Variants in PTPRM observed in about 807,000 individuals in gnomAD.
The protein encoded by PTPRM is receptor-type tyrosine-protein phosphatase mu.
Under a neutral mutation model 186.7 loss-of-function variants are expected in PTPRM, and 47 were observed. That is an observed-to-expected ratio of 0.25 (90% CI 0.20 to 0.32). The LOEUF (loss-of-function observed/expected upper bound fraction) is 0.32. PTPRM is among the 10% of genes least tolerant of loss of function. The pLI, the probability that PTPRM is intolerant of heterozygous loss-of-function variation, is 1.00. For synonymous variants in PTPRM, 668 were observed against 674.9 expected (o/e 0.99, Z 0.16); for missense variants, 1,494 against 1,865.0 (o/e 0.80, Z 3.66).
chr18:7,724,317 G>C (rs1393966939), intron 1 of PTPRM, among the ~76,000 whole-genome samples: 1 of 151,904 alleles, frequency 6.6e-6, no homozygotes, highest in African/African-American at 2.4e-5. Flanking sequence ...CGTTTCTGTT[G>C]TTGAAAAAGT....
chr18:7,652,212 A>C (rs67702131), intron 1 of PTPRM, among the ~76,000 whole-genome samples: 13 of 152,312 alleles, frequency 8.5e-5, no homozygotes, highest in East Asian at 1.9e-4. Flanking sequence ...GATATCATCT[A>C]ACACCAGTTA....
intron 1 of PTPRM, among the ~76,000 whole-genome samples, chr18:7,628,477 C>T (rs962351084): frequency 6.6e-6 from 1 of 152,108 alleles, no homozygotes; most frequent in Non-Finnish European, 1.5e-5. Context: ...GATTGTAAAT[C>T]GTTTGTCTTT....
At chr18:7,613,321 C>T (rs2037723069) in intron 1 of PTPRM, among the ~76,000 whole-genome samples, 1 of 152,144 alleles carries the variant, frequency 6.6e-6, no homozygotes, top group South Asian at 2.1e-4. Context: ...TTGTCATGTT[C>T]CCCTTTTTCA....
At chr18:8,202,933 C>T (rs1476934801) in intron 14 of PTPRM, among the ~76,000 whole-genome samples, 1 of 152,238 alleles carries the variant, frequency 6.6e-6, no homozygotes, top group Non-Finnish European at 1.5e-5. Flanking sequence ...CCTCTTCTTC[C>T]ATGAAGGGAC....
chr18:7,917,203 C>T (rs1395910445), intron 4 of PTPRM, among the ~76,000 whole-genome samples: 1 of 152,184 alleles, frequency 6.6e-6, no homozygotes, highest in Non-Finnish European at 1.5e-5. Flanking sequence ...AGCAGTTTGA[C>T]AATTTATGTC....
chr18:8,399,920 G>A (rs959330408), intron 32 of PTPRM: 8 of 152,296 alleles, frequency 5.3e-5, no homozygotes, highest in African/African-American at 1.9e-4. Context: ...CCACCTGGGA[G>A]TCTGAAAGGG....
chr18:8,390,006 T>A (rs763191807), intron 31 of PTPRM, among the ~76,000 whole-genome samples: 5 of 152,264 alleles, frequency 3.3e-5, no homozygotes, highest in Non-Finnish European at 7.3e-5. Context: ...TTCACCACTT[T>A]GCAACTCTTG....
At chr18:8,105,243 G>A (rs2091464561) in intron 11 of PTPRM, among the ~76,000 whole-genome samples, 1 of 152,132 alleles carries the variant, frequency 6.6e-6, no homozygotes, top group South Asian at 2.1e-4. Flanking sequence ...AAAGGTGCCA[G>A]ATCCCTTACT....
At chr18:8,195,757 C>T (rs1057430682) in intron 14 of PTPRM, among the ~76,000 whole-genome samples, 3 of 152,072 alleles carry the variant, frequency 2.0e-5, no homozygotes, top group South Asian at 2.1e-4. Context: ...GAGTGAGCGT[C>T]GGGTGAAGAA....
intron 2 of PTPRM, among the ~76,000 whole-genome samples, chr18:7,878,097 T>A (rs2048332117): frequency 6.6e-6 from 1 of 152,220 alleles, no homozygotes; most frequent in Non-Finnish European, 1.5e-5. Context: ...ACCCAGCATT[T>A]GCTTTAATTT....
intron 2 of PTPRM, among the ~76,000 whole-genome samples, chr18:7,857,455 C>T (rs181661764): frequency 9.5e-4 from 145 of 152,300 alleles, no homozygotes; most frequent in African/African-American, 3.4e-3. Context: ...AAGAAATCTT[C>T]ATGCAAAGGC....
chr18:8,291,553 A>G lies in PTPRM; in HGVS notation c.2755-4815A>G, dbSNP rs8088308. Among the ~76,000 whole-genome samples, 1,235 of 152,298 alleles carry G rather than the reference A, an allele frequency of 8.1e-3. 35 individuals are homozygous for G. In the South Asian group the frequency reaches 0.099, roughly 12 times the overall value. The stretch of plus-strand genomic sequence containing the variant: ...AGTAGAATTCTTCTTAAAGCATTCA[A>G]TATTCAGTTTCTGTAATTTTAAAAG... On this transcript the variant is annotated intron_variant, in intron 19 of 32. Coordinates refer to ENST00000580170, the MANE Select transcript of PTPRM (RefSeq NM_001105244.2).
Position 8,280,355 on chromosome 18 carries a change from C to G in PTPRM, c.2755-16013C>G, listed in dbSNP as rs11874476. On this transcript the variant is annotated intron_variant, in intron 19 of 32. Coordinates refer to ENST00000580170, the MANE Select transcript of PTPRM (RefSeq NM_001105244.2). Reference sequence around the variant, plus strand: ...CCCCATCTCCAAATACAGTCACATTCTGAGGTACGGGAGCTTAGGACTTCA... The same window carrying G: ...CCCCATCTCCAAATACAGTCACATTGTGAGGTACGGGAGCTTAGGACTTCA... Among the ~76,000 whole-genome samples, 66 of 142,946 alleles carry G rather than the reference C, an allele frequency of 4.6e-4. 1 individual carries two copies. The highest frequency in any genetic ancestry group is 1.7e-3 in the African/African-American group (66 of 38,304). 93.8% of individuals were successfully genotyped at this position (142,946 alleles called of 152,430 possible).
intron 14 of PTPRM, among the ~76,000 whole-genome samples, chr18:8,147,809 G>T (rs1012490200): frequency 1.3e-5 from 2 of 152,080 alleles, no homozygotes; most frequent in African/African-American, 4.8e-5. Context: ...TATTATTTCG[G>T]GTTGTGTTCC....
At chr18:8,218,466 A>T (rs1489440216) in intron 14 of PTPRM, among the ~76,000 whole-genome samples, 3 of 152,160 alleles carry the variant, frequency 2.0e-5, no homozygotes. Flanking sequence ...AGACTAAGGG[A>T]GTTAAATTGA....
chr18:7,769,293 A>T (rs1436255710), intron 1 of PTPRM, among the ~76,000 whole-genome samples: 3 of 151,780 alleles, frequency 2.0e-5, no homozygotes, highest in Non-Finnish European at 4.4e-5. Context: ...CTGCTTCACG[A>T]CTCTCCAGCT....
chr18:8,104,320 A>G (rs1157797037), intron 11 of PTPRM, among the ~76,000 whole-genome samples: 1 of 152,180 alleles, frequency 6.6e-6, no homozygotes, highest in Non-Finnish European at 1.5e-5. Context: ...TTTCTATATT[A>G]TGATCATTGG....
chr18:7,966,467 T>C (rs2054060687), intron 7 of PTPRM, among the ~76,000 whole-genome samples: 2 of 152,052 alleles, frequency 1.3e-5, no homozygotes, highest in Admixed American at 1.3e-4. Flanking sequence ...GATGGCCGAA[T>C]AGGAACAGCT....
chr18:8,248,903 AG>A (rs1202501895), intron 17 of PTPRM, among the ~76,000 whole-genome samples: 9 of 152,224 alleles, frequency 5.9e-5, no homozygotes, highest in African/African-American at 2.2e-4. Context: ...TATTCCCAGC[AG>A]GGGGTTACAG....
Sources: gnomAD v4.1 joint callset for allele counts (sites outside exome capture counted in the v4.1 genomes callset) on GRCh38, gnomAD v4.1.1 for gene constraint, MANE v1.5 for transcripts, NCBI Gene and HGNC (gene_info 2026-07-23, HGNC 2026-07-21) for gene names.